Variants in MMUT observed in about 807,000 individuals in gnomAD.
MMUT encodes methylmalonyl-CoA mutase, mitochondrial.
Under a neutral mutation model 79.9 loss-of-function variants are expected in MMUT, and 79 were observed. The observed-to-expected ratio is 0.99, with a 90% CI of 0.82 to 1.19. The LOEUF (loss-of-function observed/expected upper bound fraction) is 1.19, where lower values mean the gene tolerates loss of function less well. Ranked by LOEUF, MMUT falls within the 50% of genes most tolerant of loss-of-function variation. The probability of loss-of-function intolerance (pLI) is 0.00; values close to 1 mark genes in which losing one functional copy is unlikely to be tolerated. For missense variants in MMUT, 860 were observed against 917.2 expected (o/e 0.94, Z 0.81); for synonymous variants, 273 against 295.7 (o/e 0.92, Z 0.79).
Position 49,457,690 on chromosome 6 carries a change from C to A in MMUT, c.753+1G>T. The A allele has an allele frequency of 6.2e-7, 1 of 1,609,158 alleles. No individual in the cohort carries two copies. Among genetic ancestry groups the A allele is most frequent in the Non-Finnish European group, 8.5e-7 (1 of 1,178,192 alleles). The stretch of plus-strand genomic sequence containing the variant: ...AAACCTATAATAACCACAAAGTATA[C>A]CTTTGCTGTATATTCAAATATGTCA... On this transcript the variant is annotated splice_donor_variant, in intron 3 of 12. Transcript: ENST00000274813. LOFTEE classifies it high-confidence loss of function.
chr6:49,434,277 G>T (rs1378628994), intron 12 of MMUT, among the ~76,000 whole-genome samples: 1 of 152,138 alleles, frequency 6.6e-6, no homozygotes, highest in African/African-American at 2.4e-5. Context: ...AGAATTTTGT[G>T]TTGATTATAT....
chr6:49,431,964 T>C (rs1766991685), intron 12 of MMUT, 108 bp from the exon 13 acceptor site: 1 of 1,293,648 alleles, frequency 7.7e-7, no homozygotes, highest in Admixed American at 1.7e-5. Flanking sequence ...CCTTCTCAAC[T>C]GGTATACTAC....
chr6:49,452,719 G>A (rs1218691408), intron 5 of MMUT, among the ~76,000 whole-genome samples: 1 of 152,090 alleles, frequency 6.6e-6, no homozygotes, highest in Non-Finnish European at 1.5e-5. Flanking sequence ...TAAAAGCAAT[G>A]TAACTTTGCA....
At chr6:49,432,874 T>C (rs1232060798) in intron 12 of MMUT, among the ~76,000 whole-genome samples, 1 of 152,228 alleles carries the variant, frequency 6.6e-6, no homozygotes, top group Non-Finnish European at 1.5e-5. Context: ...AGTCTGATTT[T>C]TGTTTATTGT....
In MMUT at chr6:49,459,272, T is replaced by A; in HGVS notation, c.195A>T (p.Glu65Asp). 1 of 1,614,216 alleles carries A rather than the reference T, an allele frequency of 6.2e-7. No homozygotes were observed. Among genetic ancestry groups the A allele is most frequent in the Non-Finnish European group, 8.5e-7 (1 of 1,180,046 alleles). The change falls in exon 2 of 13, where the codon GAA becomes GAT. Residue 65 changes from glutamate (E) to aspartate (D), a missense_variant. Glu to Asp is a conservative substitution (Grantham distance 45, BLOSUM62 2). Coordinates refer to ENST00000274813, the MANE Select transcript of MMUT (RefSeq NM_000255.4). The part of the protein sequence containing the change: ...NPEDLIWHTP[E>D]GISIKPLYSK... ...AATACAAGGGTTTTATAGAGATCCCTTCCGGGGTGTGCCATATTAGGTCTT... is the reference window on the plus strand; with the variant it reads ...AATACAAGGGTTTTATAGAGATCCCATCCGGGGTGTGCCATATTAGGTCTT...
rs1486620010 is a variant in MMUT, at chr6:49,448,989, A to C, written c.1333-62T>G. 3 of 1,062,044 alleles carry C rather than the reference A, an allele frequency of 2.8e-6. No individual in the cohort carries two copies. The East Asian group carries it at 7.3e-5, about 26-fold the overall frequency. 65.8% of individuals were successfully genotyped at this position (1,062,044 alleles called of 1,614,324 possible). On this transcript the variant is annotated intron_variant, in intron 6 of 12. Coordinates refer to ENST00000274813, the MANE Select transcript of MMUT (RefSeq NM_000255.4). The stretch of plus-strand genomic sequence containing the variant: ...ATTAAAAATGTGTGTAAACTATATA[A>C]ATTTGTTATGAGTGTTATATAATTA...
Position 49,430,917 on chromosome 6 carries a change from T to C in MMUT, c.*811A>G, listed in dbSNP as rs1186985088. Reference sequence around the variant, plus strand: ...TTGCAATTTATGTTTAAGGAGCAAATCTATGCAAGGTAGCATCTTTCTAGA... The same window carrying C: ...TTGCAATTTATGTTTAAGGAGCAAACCTATGCAAGGTAGCATCTTTCTAGA... On this transcript the variant is annotated 3_prime_UTR_variant, in exon 13 of 13. Coordinates refer to ENST00000274813, the MANE Select transcript of MMUT (RefSeq NM_000255.4). 1 of 152,182 alleles carries C rather than the reference T, an allele frequency of 6.6e-6. No individual in the cohort carries two copies. The highest frequency in any genetic ancestry group is 2.1e-4 in the South Asian group (1 of 4,832). The allele number at this position is 152,182 out of a possible 1,614,324, so 9.4% of individuals were successfully genotyped here.
chr6:49,451,588 T>C lies in MMUT; in HGVS notation c.1210A>G (p.Ile404Val). 4 of 1,614,154 alleles carry C rather than the reference T, an allele frequency of 2.5e-6. No individual in the cohort carries two copies. The highest frequency in any genetic ancestry group is 3.4e-6 in the Non-Finnish European group (4 of 1,180,018). The change falls in exon 6 of 13, where the codon ATT becomes GTT. Residue 404 changes from isoleucine (I) to valine (V), a missense_variant. By Grantham distance (29) the Ile-to-Val change is conservative. Coordinates refer to ENST00000274813, the MANE Select transcript of MMUT (RefSeq NM_000255.4). Reference sequence around the variant, plus strand: ...ATGATGATTTGTGTGTTCCTGGCAATTCGAGCACTTTTCACAGTTGGCAAA... The same window carrying C: ...ATGATGATTTGTGTGTTCCTGGCAACTCGAGCACTTTTCACAGTTGGCAAA... ...LGLPTVKSAR[I>V]ARNTQIIIQE... is the part of the protein sequence containing the mutation.
rs1309097795 is a variant in MMUT, at chr6:49,432,764, T to C, written c.2125-908A>G. On this transcript the variant is annotated intron_variant, in intron 12 of 12. Transcript: ENST00000274813. The stretch of plus-strand genomic sequence containing the variant: ...AAATAATACTGCAGGATTTAGGCTG[T>C]TATAACATCTGAACATTTGTAGCTG... Among the ~76,000 whole-genome samples the C allele has an allele frequency of 2.6e-5, 4 of 152,160 alleles. No homozygotes were observed. The East Asian group carries it at 7.7e-4, about 29-fold the overall frequency.
At chr6:49,448,371 C>T (rs1767462988) in intron 7 of MMUT, among the ~76,000 whole-genome samples, 1 of 151,966 alleles carries the variant, frequency 6.6e-6, no homozygotes, top group Non-Finnish European at 1.5e-5. Flanking sequence ...TGTTCATTTT[C>T]CTCTCTTTTA....
At chr6:49,443,813 T>C in intron 9 of MMUT, 2 of 440,276 alleles carry the variant, frequency 4.5e-6, no homozygotes, top group Non-Finnish European at 9.1e-6. Flanking sequence ...ATGGGAACAC[T>C]GAAGCAGATA....
chr6:49,432,080 T>C (rs1337423490), intron 12 of MMUT, among the ~76,000 whole-genome samples: 3 of 152,148 alleles, frequency 2.0e-5, no homozygotes, highest in Admixed American at 1.3e-4. Flanking sequence ...ACTCCGCCCA[T>C]TTTCTAAATG....
At chr6:49,460,438 T>C (rs1167918714) in intron 1 of MMUT, among the ~76,000 whole-genome samples, 1 of 152,238 alleles carries the variant, frequency 6.6e-6, no homozygotes, top group African/African-American at 2.4e-5. Context: ...AATCTACTTC[T>C]GTGCTAGTTT....
intron 10 of MMUT, 42 bp from the exon 11 acceptor site, chr6:49,440,395 T>G (rs1278155768): frequency 6.3e-7 from 1 of 1,590,760 alleles, no homozygotes. Context: ...AGATACTAAT[T>G]TTCCAAAGGG....
At chr6:49,444,560 C>T in intron 9 of MMUT, 79 bp downstream of exon 9, 1 of 1,157,706 alleles carries the variant, frequency 8.6e-7, no homozygotes, top group Non-Finnish European at 1.3e-6. Flanking sequence ...CAGGATCAAC[C>T]TTTTATTTAA....
At chr6:49,453,393 C>T (rs1199628718) in intron 5 of MMUT, among the ~76,000 whole-genome samples, 192 bp downstream of exon 5, 1 of 151,784 alleles carries the variant, frequency 6.6e-6, no homozygotes, top group Non-Finnish European at 1.5e-5. Flanking sequence ...CAGAGGGAGA[C>T]AATTTTTATT....
chr6:49,453,335 A>G (rs1767603999), intron 5 of MMUT, among the ~76,000 whole-genome samples: 1 of 151,886 alleles, frequency 6.6e-6, no homozygotes, highest in South Asian at 2.1e-4. Flanking sequence ...CAAGTGTTTC[A>G]GCACTACAGG....
At chr6:49,458,951 T>A in intron 2 of MMUT, 131 bp downstream of exon 2, 1 of 931,302 alleles carries the variant, frequency 1.1e-6, no homozygotes, top group South Asian at 1.9e-5. Flanking sequence ...AATCCACTTT[T>A]TTCAGAGTAT....
chr6:49,448,440 G>A (rs1043504138), intron 7 of MMUT, among the ~76,000 whole-genome samples: 3 of 152,028 alleles, frequency 2.0e-5, no homozygotes, highest in Admixed American at 2.0e-4. Flanking sequence ...CCTGTTCACA[G>A]TTGTATGCCC....
Sources: gnomAD v4.1 joint callset for allele counts (sites outside exome capture counted in the v4.1 genomes callset) on GRCh38, gnomAD v4.1.1 for gene constraint, MANE v1.5 for transcripts, NCBI Gene and HGNC (gene_info 2026-07-23, HGNC 2026-07-21) for gene names.